ELF2: variants seen among roughly 807,000 people sequenced by gnomAD.
ELF2 encodes the protein E74 like ETS transcription factor 2.
Under a neutral mutation model 54.8 loss-of-function variants are expected in ELF2, and 11 were observed. The ratio of observed to expected loss-of-function variants is 0.20; its 90% confidence interval spans 0.13 to 0.33. The LOEUF (loss-of-function observed/expected upper bound fraction) is 0.33, where lower values mean the gene tolerates loss of function less well. ELF2 is among the 10% of genes least tolerant of loss of function. The probability of loss-of-function intolerance (pLI) is 1.00; values close to 1 mark genes in which losing one functional copy is unlikely to be tolerated. For missense variants in ELF2, 513 were observed against 703.0 expected, an observed-to-expected ratio of 0.73 and a Z score of 3.06; for synonymous variants, 203 against 245.1, an observed-to-expected ratio of 0.83 and a Z score of 1.61.
At chr4:139,109,492 A>G (rs978188367) in intron 4 of ELF2, among the ~76,000 whole-genome samples, 4 of 152,328 alleles carry the variant, frequency 2.6e-5, no homozygotes, top group Middle Eastern at 3.4e-3. Flanking sequence ...AGGCTGTTCT[A>G]TAAGACATTT....
In ELF2 at chr4:139,161,651, T is replaced by TAAAAA. The variant is rs1560884167; in HGVS notation, c.-252+15315_-252+15316insTTTTT. Among the ~76,000 whole-genome samples, 303 of 101,852 alleles carry TAAAAA rather than the reference T, an allele frequency of 3.0e-3. 5 individuals are homozygous for TAAAAA. Among genetic ancestry groups the TAAAAA allele is most frequent in the African/African-American group, 0.012 (288 of 24,758 alleles). The allele number at this position is 101,852 out of a possible 152,430, so 66.8% of individuals were successfully genotyped here. A position where few individuals can be genotyped will look rare whatever the true frequency, so the allele number is the denominator to read the frequency against. On this transcript the variant is annotated intron_variant, in intron 1 of 9. Transcript: ENST00000686138. The stretch of plus-strand genomic sequence containing the variant: ...TCACAAATAGTCTACGTAAAACTGT[T>TAAAAA]TAAAAAAAAAAAAAAAAAAAAAAAA...
intron 4 of ELF2, among the ~76,000 whole-genome samples, chr4:139,087,361 G>A (rs1300412737): frequency 6.6e-6 from 1 of 152,126 alleles, no homozygotes; most frequent in Admixed American, 6.5e-5. Context: ...GCAATCCTCC[G>A]TCCTTGGCAT....
At chr4:139,131,186 A>G (rs542015055) in intron 3 of ELF2, among the ~76,000 whole-genome samples, 1 of 152,220 alleles carries the variant, frequency 6.6e-6, no homozygotes, top group East Asian at 1.9e-4. Flanking sequence ...GAAACACTGA[A>G]TAATAACTGT....
chr4:139,168,730 T>G (rs948180573), intron 1 of ELF2, among the ~76,000 whole-genome samples: 2 of 150,252 alleles, frequency 1.3e-5, no homozygotes, highest in African/African-American at 5.0e-5. Context: ...GAAAGATCCC[T>G]TTTGTTTTAT....
intron 4 of ELF2, among the ~76,000 whole-genome samples, chr4:139,124,359 A>G (rs533354928): frequency 6.6e-6 from 1 of 152,244 alleles, no homozygotes; most frequent in African/African-American, 2.4e-5. Flanking sequence ...ACTGGACCTC[A>G]TAAGAAGAAA....
intron 1 of ELF2, among the ~76,000 whole-genome samples, chr4:139,172,170 TTTGAGTATTA>T (rs1362396145): frequency 6.6e-6 from 1 of 152,150 alleles, no homozygotes; most frequent in Non-Finnish European, 1.5e-5. Context: ...TACTCAAATG[TTTGAGTATTA>T]TTTAAAGAGT....
chr4:139,116,832 T>A (rs1328336197), intron 4 of ELF2: 1 of 536,780 alleles, frequency 1.9e-6, no homozygotes, highest in Non-Finnish European at 2.4e-6. Context: ...AATACAAAAG[T>A]TATGACAGCT....
intron 7 of ELF2, among the ~76,000 whole-genome samples, chr4:139,063,961 A>G (rs989790213): frequency 6.6e-6 from 1 of 152,106 alleles, no homozygotes; most frequent in African/African-American, 2.4e-5. Context: ...CGCTTTTCAG[A>G]TTGTTTTTAT....
chr4:139,165,967 A>G (rs1578977828), intron 1 of ELF2, among the ~76,000 whole-genome samples: 1 of 152,204 alleles, frequency 6.6e-6, no homozygotes, highest in East Asian at 1.9e-4. Flanking sequence ...TTCTTTGTCA[A>G]TTGCTGATTA....
intron 7 of ELF2, among the ~76,000 whole-genome samples, chr4:139,064,897 CA>C (rs1728459261): frequency 6.6e-6 from 1 of 151,874 alleles, no homozygotes; most frequent in South Asian, 2.1e-4. Context: ...CAAAACAAAA[CA>C]AAACAAAACA....
In ELF2 at chr4:139,150,078, G is replaced by A. The variant is rs532143822; in HGVS notation, c.-251-10581C>T. On this transcript the variant is annotated intron_variant, in intron 1 of 9. Coordinates refer to ENST00000686138, the MANE Select transcript of ELF2 (RefSeq NM_001331036.3). ...GGCGTGGCCAGGCACAGTGGCTCAC[G>A]CCTGTAATCCCAATACTTTGGGAGG... is the stretch of plus-strand genomic sequence containing the variant. Among the ~76,000 whole-genome samples the A allele has an allele frequency of 5.1e-4, 77 of 152,066 alleles. No individual in the cohort carries two copies. In the South Asian group the frequency reaches 0.016, roughly 31 times the overall value.
At chr4:139,111,934 A>C (rs1342906343) in intron 4 of ELF2, among the ~76,000 whole-genome samples, 1 of 152,126 alleles carries the variant, frequency 6.6e-6, no homozygotes, top group Non-Finnish European at 1.5e-5. Context: ...TCAGACTTTA[A>C]GTAATTCTTT....
intron 4 of ELF2, among the ~76,000 whole-genome samples, chr4:139,077,931 T>C (rs1730552682): frequency 6.6e-6 from 1 of 152,218 alleles, no homozygotes; most frequent in African/African-American, 2.4e-5. Flanking sequence ...CATTTTCTAG[T>C]TACCACTGGT....
chr4:139,084,426 C>CGGCAGG (rs1280808005), intron 4 of ELF2: 105 of 1,267,174 alleles, frequency 8.3e-5, no homozygotes, highest in South Asian at 6.4e-4. Flanking sequence ...GGGGCAGGGG[C>CGGCAGG]GGCAGGGGCA....
intron 4 of ELF2, among the ~76,000 whole-genome samples, chr4:139,118,650 A>G (rs969543129): frequency 1.3e-5 from 2 of 152,180 alleles, no homozygotes; most frequent in African/African-American, 4.8e-5. Context: ...AGGAATGACA[A>G]GGAAAAAGTA....
intron 4 of ELF2, among the ~76,000 whole-genome samples, chr4:139,095,803 G>GGGA (rs1186671936): frequency 3.3e-5 from 5 of 152,096 alleles, no homozygotes; most frequent in Non-Finnish European, 7.4e-5. Flanking sequence ...CCAGCACTTT[G>GGGA]GGAGGCCAAG....
intron 4 of ELF2, among the ~76,000 whole-genome samples, chr4:139,113,814 C>T (rs1735236262): frequency 6.6e-6 from 1 of 151,280 alleles, no homozygotes; most frequent in Admixed American, 6.6e-5. Flanking sequence ...AAGACTGCGC[C>T]ACTACACTCC....
intron 1 of ELF2, among the ~76,000 whole-genome samples, chr4:139,151,082 A>AAGAAAGAGAGAG (rs1560871742): frequency 2.5e-5 from 3 of 121,860 alleles, no homozygotes; most frequent in African/African-American, 1.0e-4. Context: ...GAAAGAAAGA[A>AAGAAAGAGAGAG]AGAAAGAAAG....
intron 4 of ELF2, among the ~76,000 whole-genome samples, chr4:139,075,440 A>C (rs990838999): frequency 1.3e-5 from 2 of 151,640 alleles, no homozygotes; most frequent in African/African-American, 4.8e-5. Context: ...TTTTATTTTT[A>C]TTTTTTTTGA....
Sources: allele counts gnomAD v4.1 joint callset (sites outside exome capture counted in the v4.1 genomes callset), GRCh38; gene constraint gnomAD v4.1.1; transcripts MANE v1.5; gene names NCBI Gene and HGNC (gene_info 2026-07-23, HGNC 2026-07-21).